ZNF143: variants seen among roughly 807,000 people sequenced by gnomAD.
ZNF143 encodes the protein zinc finger protein 143, also known as SPH-binding factor.
ZNF143 carries 49 observed loss-of-function variants against 74.1 expected under a neutral mutation model. That is an observed-to-expected ratio of 0.66 (90% CI 0.53 to 0.84). The LOEUF (loss-of-function observed/expected upper bound fraction) is 0.84. Ranked by LOEUF, ZNF143 falls within the 40% of genes least tolerant of loss-of-function variation. The pLI, the probability that ZNF143 is intolerant of heterozygous loss-of-function variation, is 0.00. For synonymous variants in ZNF143, 304 were observed against 282.8 expected, an observed-to-expected ratio of 1.07 and a Z score of -0.75; for missense variants, 637 against 793.4, an observed-to-expected ratio of 0.80 and a Z score of 2.37.
At chr11:9,463,380 C>G (rs1436270236) in intron 1 of ZNF143, among the ~76,000 whole-genome samples, 9 of 152,180 alleles carry the variant, frequency 5.9e-5, no homozygotes, top group Admixed American at 5.9e-4. Flanking sequence ...GGCTGCACCA[C>G]GTTTACATTC....
Position 9,461,069 on chromosome 11 carries a change from T to C in ZNF143, c.-15T>C, listed in dbSNP as rs1855785599. ...GGACGAAGGAATTGTTGGAAAATTT[T>C]CTCGGAGGTTCGTATATAAATGTGT... On this transcript the variant is annotated 5_prime_UTR_variant, in exon 1 of 16. Transcript: ENST00000396602. 2.0e-6 allele frequency: 2 copies of C among 985,894 alleles called. No homozygotes were observed. The highest frequency in any genetic ancestry group is 2.4e-6 in the Non-Finnish European group (2 of 830,006). The allele number at this position is 985,894 out of a possible 1,614,324, so 61.1% of individuals were successfully genotyped here. A position where few individuals can be genotyped will look rare whatever the true frequency, so the allele number is the denominator to read the frequency against.
At chr11:9,469,131 C>CA (rs1216508959) in intron 1 of ZNF143, among the ~76,000 whole-genome samples, 154 of 111,534 alleles carry the variant, frequency 1.4e-3, no homozygotes, top group Non-Finnish European at 1.5e-3. Flanking sequence ...GATGCCATCT[C>CA]AAAAAAAAAA....
At position 9,527,535 on chromosome 11, in the gene ZNF143, A is replaced by C. The variant is rs757081715; in HGVS notation, c.1839A>C (p.Gly613=). ...SNGTQIAVQL[G]EQPSLEEAIR... is the part of the protein sequence containing the mutation. Reference sequence around the variant, plus strand: ...TGTGTGTGTTCCTGTTTCAGCTTGGAGAACAGCCATCTCTGGAAGAAGCCA... The same window carrying C: ...TGTGTGTGTTCCTGTTTCAGCTTGGCGAACAGCCATCTCTGGAAGAAGCCA... The change falls in exon 16 of 16, where the codon GGA becomes GGC. Residue 613 remains glycine, a synonymous_variant. Transcript: ENST00000396602. 8.1e-6 allele frequency: 13 copies of C among 1,613,958 alleles called. No homozygotes were observed. The highest frequency in any genetic ancestry group is 1.6e-4 in the Middle Eastern group (1 of 6,084).
intron 13 of ZNF143, among the ~76,000 whole-genome samples, chr11:9,515,550 A>G (rs1422828545): frequency 6.6e-6 from 1 of 151,236 alleles, no homozygotes; most frequent in Non-Finnish European, 1.5e-5. Context: ...GCTACTTGGG[A>G]GGCTGAGGCA....
At chr11:9,505,360 C>A (rs963404490) in intron 11 of ZNF143, among the ~76,000 whole-genome samples, 1 of 151,624 alleles carries the variant, frequency 6.6e-6, no homozygotes, top group Non-Finnish European at 1.5e-5. Flanking sequence ...ACCTCTGCCT[C>A]CTGGGTTCAA....
chr11:9,468,651 T>G (rs956854832), intron 1 of ZNF143, among the ~76,000 whole-genome samples: 2 of 152,198 alleles, frequency 1.3e-5, no homozygotes, highest in Non-Finnish European at 2.9e-5. Context: ...TGAATTATAT[T>G]TAATTAATGG....
At chr11:9,471,552 TG>T (rs747558533) in intron 2 of ZNF143, 132 bp downstream of exon 2, 5,219 of 487,212 alleles carry the variant, frequency 0.011, 11 homozygotes, top group Middle Eastern at 0.021. Flanking sequence ...GGTGTTTTGG[TG>T]TTTTTTTTTT....
intron 1 of ZNF143, among the ~76,000 whole-genome samples, chr11:9,466,164 G>A (rs1297438145): frequency 6.6e-6 from 1 of 151,926 alleles, no homozygotes; most frequent in Non-Finnish European, 1.5e-5. Context: ...TGTATTTTTA[G>A]TAGAGACAGG....
chr11:9,509,199 G>A (rs1040953780), intron 12 of ZNF143, among the ~76,000 whole-genome samples: 5 of 152,224 alleles, frequency 3.3e-5, no homozygotes, highest in African/African-American at 1.2e-4. Flanking sequence ...GGAGGTTGGA[G>A]AGACCAAAGT....
rs546434744 is a variant in ZNF143 at position 9,528,423 on chromosome 11, G to A, written c.*810G>A. ...TTTACTCTGAAAATTAGGTTAGTGGGTTGGTGTAAATTATTTATTTTTGCT... is the reference window on the plus strand; with the variant it reads ...TTTACTCTGAAAATTAGGTTAGTGGATTGGTGTAAATTATTTATTTTTGCT... On this transcript the variant is annotated 3_prime_UTR_variant, in exon 16 of 16. Transcript: ENST00000396602. 1.3e-5 allele frequency: 2 copies of A among 152,156 alleles called. No individual in the cohort carries two copies. Among genetic ancestry groups the A allele is most frequent in the South Asian group, 4.2e-4 (2 of 4,810 alleles). The allele number at this position is 152,156 out of a possible 1,614,324, so 9.4% of individuals were successfully genotyped here. A position where few individuals can be genotyped will look rare whatever the true frequency, so the allele number is the denominator to read the frequency against.
At chr11:9,498,213 TG>T (rs1565049439) in intron 10 of ZNF143, among the ~76,000 whole-genome samples, 2 of 152,234 alleles carry the variant, frequency 1.3e-5, no homozygotes, top group African/African-American at 4.8e-5. Flanking sequence ...GGGCTTCTCT[TG>T]AAACCCTGAA....
In ZNF143 at chr11:9,501,124, G is replaced by A. The variant is rs1438141704; in HGVS notation, c.1001G>A (p.Cys334Tyr). 6.2e-7 allele frequency: 1 copy of A among 1,614,186 alleles called. No individual in the cohort carries two copies. Among genetic ancestry groups the A allele is most frequent in the Non-Finnish European group, 8.5e-7 (1 of 1,180,038 alleles). Residue 334 changes from cysteine (C) to tyrosine (Y), a missense_variant, in exon 11 of 16, where the codon TGC (cysteine) becomes TAC (tyrosine). Transcript: ENST00000396602. ...CCCTTTAAGTGTCCCTTCGAAGGCT[G>A]CGGTCGGTCCTTTACAACATCAAAT... ...ERPFKCPFEG[C>Y]GRSFTTSNIR... is the part of the protein sequence containing the mutation.
chr11:9,506,278 G>C (rs1848361605), intron 11 of ZNF143, among the ~76,000 whole-genome samples: 1 of 152,240 alleles, frequency 6.6e-6, no homozygotes, highest in Non-Finnish European at 1.5e-5. Flanking sequence ...GTTGCAGTGA[G>C]TCGAGATCAC....
rs199517484 is a variant in ZNF143, at chr11:9,471,377, G to C, written c.69G>C (p.Ala23=). Residue 23 remains alanine, a synonymous_variant, in exon 2 of 16, where the codon GCG becomes GCC. Coordinates refer to ENST00000396602, the MANE Select transcript of ZNF143 (RefSeq NM_003442.6). ...MTEFPGGGME[A]QHVTLCLTEA... ...AGTTTCCTGGAGGAGGGATGGAGGCGCAACATGTTACGCTGTGCTTGACAG... is the reference window on the plus strand; with the variant it reads ...AGTTTCCTGGAGGAGGGATGGAGGCCCAACATGTTACGCTGTGCTTGACAG... 4.3e-6 allele frequency: 7 copies of C among 1,612,496 alleles called. No individual in the cohort carries two copies. The highest frequency in any genetic ancestry group is 5.9e-6 in the Non-Finnish European group (7 of 1,179,410).
intron 11 of ZNF143, among the ~76,000 whole-genome samples, chr11:9,501,925 CTTTTTTTTT>C (rs57169874): frequency 2.7e-5 from 1 of 37,438 alleles, no homozygotes; most frequent in African/African-American, 1.1e-4. Flanking sequence ...TGGATATATT[CTTTTTTTTT>C]TTTTTTTTTT....
chr11:9,515,372 G>A (rs984708645), intron 13 of ZNF143, among the ~76,000 whole-genome samples: 6 of 152,116 alleles, frequency 3.9e-5, no homozygotes, highest in African/African-American at 9.7e-5. Context: ...CTGTATTGCC[G>A]GGTGTGGTGG....
chr11:9,476,482 C>G (rs763323752), intron 5 of ZNF143, among the ~76,000 whole-genome samples: 1 of 151,940 alleles, frequency 6.6e-6, no homozygotes, highest in Non-Finnish European at 1.5e-5. Context: ...AAGCGATTCT[C>G]CTGCCTCAGC....
chr11:9,483,288 CTTTTTTTTTTTTTTTTT>C (rs58704619), intron 7 of ZNF143, among the ~76,000 whole-genome samples: 1 of 50,200 alleles, frequency 2.0e-5, no homozygotes, highest in East Asian at 4.7e-4. Flanking sequence ...GCCAACATGC[CTTTTTTTTTTTTTTTTT>C]TTTTTTTTTG....
At position 9,477,404 on chromosome 11, in the gene ZNF143, G is replaced by A. The variant is rs1856998785; in HGVS notation, c.374-986G>A. On this transcript the variant is annotated intron_variant, in intron 5 of 15. Transcript: ENST00000396602. ...CAAGTAGCTGGGACTACAGGTGCGC[G>A]CCACCATGCCCAGCTATTTTTTTTG... is the stretch of plus-strand genomic sequence containing the variant. 2.6e-5 allele frequency among the ~76,000 whole-genome samples: 4 copies of A among 151,916 alleles called. No individual in the cohort carries two copies. The South Asian group carries it at 8.3e-4, about 32-fold the overall frequency.
Sources: gnomAD v4.1 joint callset for allele counts (sites outside exome capture counted in the v4.1 genomes callset) on GRCh38, gnomAD v4.1.1 for gene constraint, MANE v1.5 for transcripts, NCBI Gene and HGNC (gene_info 2026-07-23, HGNC 2026-07-21) for gene names.